Variants in NRDC observed in about 807,000 individuals in gnomAD.
NRDC encodes the protein nardilysin convertase.
In NRDC, 54 loss-of-function variants were observed where a neutral mutation model predicts 147.1. The ratio of observed to expected loss-of-function variants is 0.37; its 90% CI spans 0.29 to 0.46. NRDC has a LOEUF of 0.46. Among genes scored for constraint, NRDC ranks in the 20% least tolerant of loss-of-function variants. The probability of loss-of-function intolerance (pLI) is 1.00; values close to 1 mark genes in which losing one functional copy is unlikely to be tolerated. For missense variants in NRDC, 1,082 were observed against 1,370.6 expected, an observed-to-expected ratio of 0.79 and a Z score of 3.33; for synonymous variants, 440 against 482.1, an observed-to-expected ratio of 0.91 and a Z score of 1.14.
intron 19 of NRDC, 92 bp downstream of exon 19, chr1:51,805,418 A>G: frequency 1.0e-6 from 1 of 990,282 alleles, no homozygotes; most frequent in Non-Finnish European, 1.5e-6. Context: ...TCAAATATGG[A>G]TAGAGAAAAT....
chr1:51,795,907 G>T (rs1678879190), intron 22 of NRDC, among the ~76,000 whole-genome samples: 1 of 152,006 alleles, frequency 6.6e-6, no homozygotes, highest in Admixed American at 6.5e-5. Context: ...AAACACCAGG[G>T]TCTTGCTTTA....
At chr1:51,845,936 G>A (rs1186602832) in intron 1 of NRDC, among the ~76,000 whole-genome samples, 1 of 151,634 alleles carries the variant, frequency 6.6e-6, no homozygotes, top group Non-Finnish European at 1.5e-5. Context: ...GAAACAAAAT[G>A]AGACAAAATC....
chr1:51,876,191 G>T (rs907712493), intron 1 of NRDC, among the ~76,000 whole-genome samples: 7 of 152,046 alleles, frequency 4.6e-5, no homozygotes, highest in African/African-American at 7.2e-5. Context: ...AACCATTATT[G>T]AACATTTGAT....
intron 1 of NRDC, chr1:51,860,095 A>G: frequency 5.8e-6 from 1 of 171,294 alleles, no homozygotes. Context: ...TAACTGATGG[A>G]TTTATGCTGC....
At chr1:51,866,025 C>T (rs1232435471) in intron 1 of NRDC, among the ~76,000 whole-genome samples, 1 of 151,608 alleles carries the variant, frequency 6.6e-6, no homozygotes, top group Non-Finnish European at 1.5e-5. Context: ...TGCCACTGCA[C>T]AGCCTGGGCG....
intron 14 of NRDC, among the ~76,000 whole-genome samples, chr1:51,812,454 G>A (rs1679770554): frequency 6.6e-6 from 1 of 152,140 alleles, no homozygotes; most frequent in African/African-American, 2.4e-5. Context: ...CTTGAGCCCA[G>A]GAGGTTGAAG....
intron 1 of NRDC, 162 bp downstream of exon 1, chr1:51,878,113 G>A: frequency 2.8e-6 from 4 of 1,424,020 alleles, no homozygotes; most frequent in Non-Finnish European, 3.7e-6. Context: ...GACACCACAG[G>A]GAAGCCTCTA....
chr1:51,859,033 A>G (rs1045743982), intron 1 of NRDC, among the ~76,000 whole-genome samples: 2 of 152,158 alleles, frequency 1.3e-5, no homozygotes, highest in African/African-American at 4.8e-5. Context: ...ATGTACGCCT[A>G]AAGTCTTAGG....
chr1:51,833,967 G>C, intron 4 of NRDC, 50 bp downstream of exon 4: 1 of 1,505,372 alleles, frequency 6.6e-7, no homozygotes, highest in Non-Finnish European at 9.2e-7. Context: ...ATTTACATTT[G>C]CAAAGTGCCA....
At chr1:51,829,112 AGTGT>A (rs1680586619) in intron 4 of NRDC, among the ~76,000 whole-genome samples, 1 of 152,144 alleles carries the variant, frequency 6.6e-6, no homozygotes, top group Admixed American at 6.5e-5. Flanking sequence ...CCCAGACTGG[AGTGT>A]GTAGTGGCAC....
At chr1:51,831,662 T>C (rs1412955225) in intron 4 of NRDC, among the ~76,000 whole-genome samples, 5 of 148,528 alleles carry the variant, frequency 3.4e-5, no homozygotes, top group East Asian at 2.2e-4. Flanking sequence ...CACTGCAACC[T>C]CCGTCTCCCA....
chr1:51,792,356 G>A (rs1678696185), intron 25 of NRDC, 21 bp downstream of exon 25: 3 of 1,613,180 alleles, frequency 1.9e-6, no homozygotes, highest in Non-Finnish European at 2.5e-6. Context: ...GAAAACCTCA[G>A]CATCTCCTTT....
intron 1 of NRDC, among the ~76,000 whole-genome samples, chr1:51,872,524 G>A (rs1223625617): frequency 3.9e-5 from 6 of 152,078 alleles, no homozygotes; most frequent in Admixed American, 6.6e-5. Flanking sequence ...GCAACAGAGC[G>A]AAACCCAACT....
intron 14 of NRDC, 117 bp downstream of exon 14, chr1:51,813,918 C>T (rs1269580145): frequency 6.9e-6 from 5 of 725,114 alleles, no homozygotes; most frequent in Non-Finnish European, 9.6e-6. Flanking sequence ...TGGAGACTCA[C>T]ATGACACAGA....
At chr1:51,825,986 TCA>T (rs1680427663) in intron 5 of NRDC, among the ~76,000 whole-genome samples, 2 of 152,194 alleles carry the variant, frequency 1.3e-5, no homozygotes, top group African/African-American at 2.4e-5. Context: ...AAAAGAGACC[TCA>T]GAGTGCTCCC....
intron 20 of NRDC, among the ~76,000 whole-genome samples, chr1:51,801,907 C>A (rs1679225165): frequency 6.6e-6 from 1 of 152,104 alleles, no homozygotes; most frequent in South Asian, 2.1e-4. Context: ...CCTGCCTCAG[C>A]CTCCCGAGTA....
intron 6 of NRDC, among the ~76,000 whole-genome samples, chr1:51,824,540 T>A (rs1680359809): frequency 6.6e-6 from 1 of 152,174 alleles, no homozygotes; most frequent in Non-Finnish European, 1.5e-5. Flanking sequence ...GATCATCTCA[T>A]CCTAAATTTT....
At chr1:51,802,029 C>T (rs968506482) in intron 20 of NRDC, among the ~76,000 whole-genome samples, 15 of 152,056 alleles carry the variant, frequency 9.9e-5, no homozygotes, top group African/African-American at 3.1e-4. Flanking sequence ...CCTCGTGATC[C>T]GCCCGCCTCA....
intron 4 of NRDC, among the ~76,000 whole-genome samples, chr1:51,833,266 G>T (rs1430064388): frequency 6.6e-6 from 1 of 151,978 alleles, no homozygotes; most frequent in East Asian, 1.9e-4. Context: ...TTTGAAACCA[G>T]CCTGGGCAAT....
Sources: gnomAD v4.1 joint callset for allele counts (sites outside exome capture counted in the v4.1 genomes callset) on GRCh38, gnomAD v4.1.1 for gene constraint, MANE v1.5 for transcripts, NCBI Gene and HGNC (gene_info 2026-07-23, HGNC 2026-07-21) for gene names.